The following FARP1 variants were observed in gnomAD, a reference collection of about 807,000 sequenced individuals.
The protein encoded by FARP1 is FERM, ARH/RhoGEF and pleckstrin domain protein 1, also known as FERM, ARHGEF and pleckstrin domain-containing protein 1.
FARP1 carries 52 observed loss-of-function variants against 128.8 expected under a neutral mutation model. The ratio of observed to expected loss-of-function variants is 0.40; its 90% CI spans 0.32 to 0.51. FARP1 has a LOEUF of 0.51. Ranked by LOEUF, FARP1 falls within the 20% of genes least tolerant of loss-of-function variation. The pLI is 0.45. For synonymous variants in FARP1, 580 were observed against 551.8 expected, an observed-to-expected ratio of 1.05 and a Z score of -0.72; for missense variants, 1,333 against 1,367.9, an observed-to-expected ratio of 0.97 and a Z score of 0.40.
intron 1 of FARP1, among the ~76,000 whole-genome samples, chr13:98,179,782 G>T (rs367596909): frequency 6.6e-6 from 1 of 152,158 alleles, no homozygotes; most frequent in East Asian, 1.9e-4. Context: ...GCGTGAACCC[G>T]GGAGGCAGAG....
chr13:98,211,185 T>A (rs901323378), intron 1 of FARP1, among the ~76,000 whole-genome samples: 3 of 152,128 alleles, frequency 2.0e-5, no homozygotes, highest in African/African-American at 7.2e-5. Context: ...AAAGGAGGGG[T>A]CCCCAGATCC....
chr13:98,204,125 C>T (rs903792179), intron 1 of FARP1: 1 of 152,256 alleles, frequency 6.6e-6, no homozygotes, highest in Non-Finnish European at 1.5e-5. Context: ...CTGGCAATCA[C>T]CCCTAGCCCA....
chr13:98,376,788 C>G (rs1202305804), intron 5 of FARP1, among the ~76,000 whole-genome samples: 4 of 134,990 alleles, frequency 3.0e-5, no homozygotes, highest in African/African-American at 1.1e-4. Context: ...TTGCCACATC[C>G]AAGCATTTGT....
chr13:98,196,195 T>C (rs1879560329), intron 1 of FARP1, among the ~76,000 whole-genome samples: 1 of 152,164 alleles, frequency 6.6e-6, no homozygotes, highest in Non-Finnish European at 1.5e-5. Context: ...GACTTTGTGA[T>C]TGCATCTAAA....
In FARP1 at chr13:98,440,132, C is replaced by G; in HGVS notation, c.2526C>G (p.Ser842=). ...QSIIVAASSR[S]EMEKWVEDIQ... is the part of the protein sequence containing the mutation. ...GCGTCTCTGTCTCCAGTTCTCGGTC[C>G]GAGATGGAGAAGTGGGTTGAGGACA... Residue 842 remains serine (S), a synonymous_variant, in exon 23 of 27, where the codon TCC becomes TCG. Coordinates refer to ENST00000319562, the MANE Select transcript of FARP1 (RefSeq NM_005766.4). 1.2e-6 allele frequency: 2 copies of G among 1,613,544 alleles called. No homozygotes were observed. Among genetic ancestry groups the G allele is most frequent in the South Asian group, 1.1e-5 (1 of 91,048 alleles).
At chr13:98,236,224 A>G (rs774025921) in intron 2 of FARP1, among the ~76,000 whole-genome samples, 1 of 152,198 alleles carries the variant, frequency 6.6e-6, no homozygotes, top group Non-Finnish European at 1.5e-5. Flanking sequence ...TCTTCTTCAA[A>G]AACCTTGATT....
intron 2 of FARP1, among the ~76,000 whole-genome samples, chr13:98,319,292 CT>C (rs1886884867): frequency 1.3e-5 from 2 of 150,234 alleles, no homozygotes; most frequent in Admixed American, 1.3e-4. Flanking sequence ...TAGTAAAATA[CT>C]TGGAAGGGAA....
intron 2 of FARP1, among the ~76,000 whole-genome samples, chr13:98,247,489 G>C (rs1204112726): frequency 6.6e-6 from 1 of 152,094 alleles, no homozygotes; most frequent in South Asian, 2.1e-4. Context: ...ATCCATCCCC[G>C]CAGCCCTGCT....
intron 8 of FARP1, among the ~76,000 whole-genome samples, chr13:98,386,796 CCTTAT>C (rs1159536769): frequency 6.6e-6 from 1 of 152,156 alleles, no homozygotes; most frequent in African/African-American, 2.4e-5. Flanking sequence ...TATATTTCCC[CCTTAT>C]CTTTTATCAA....
chr13:98,411,567 T>A (rs1165089406), intron 15 of FARP1, among the ~76,000 whole-genome samples: 1 of 152,192 alleles, frequency 6.6e-6, no homozygotes, highest in Non-Finnish European at 1.5e-5. Context: ...GAATATTCAG[T>A]GGTCATAAAT....
chr13:98,248,856 G>A (rs1414293788), intron 2 of FARP1, among the ~76,000 whole-genome samples: 2 of 152,012 alleles, frequency 1.3e-5, no homozygotes, highest in African/African-American at 4.8e-5. Flanking sequence ...GCTCTGAAGT[G>A]TAGTGCTAGA....
At chr13:98,294,562 G>A (rs901778469) in intron 2 of FARP1, among the ~76,000 whole-genome samples, 1 of 152,070 alleles carries the variant, frequency 6.6e-6, no homozygotes, top group African/African-American at 2.4e-5. Flanking sequence ...GTCATTATAG[G>A]GAAAGATAAA....
At chr13:98,353,875 T>C (rs1888539976) in intron 3 of FARP1, among the ~76,000 whole-genome samples, 1 of 152,208 alleles carries the variant, frequency 6.6e-6, no homozygotes, top group South Asian at 2.1e-4. Context: ...ACCACAATTT[T>C]TAAGAGTTCA....
intron 1 of FARP1, among the ~76,000 whole-genome samples, chr13:98,168,068 A>T (rs186563233): frequency 6.6e-6 from 1 of 152,116 alleles, no homozygotes; most frequent in African/African-American, 2.4e-5. Context: ...GCTACTTGGG[A>T]GGCTGAGGTG....
Position 98,316,814 on chromosome 13 carries a change from G to A in FARP1, c.172-26948G>A, listed in dbSNP as rs140315103. ...TGGAACCAGAGATAACACCAGGCCT[G>A]ACATTTGAGGGTGTGTGTAGGTAGG... On this transcript the variant is annotated intron_variant, in intron 2 of 26. Transcript: ENST00000319562. Among the ~76,000 whole-genome samples, 987 of 152,304 alleles carry A rather than the reference G, an allele frequency of 6.5e-3. 7 individuals are homozygous for A. The highest frequency in any genetic ancestry group is 9.9e-3 in the Non-Finnish European group (673 of 68,034).
Position 98,390,640 on chromosome 13 carries a change from G to C in FARP1, c.1020-172G>C, listed in dbSNP as rs1890271332. On this transcript the variant is annotated intron_variant, in intron 10 of 26. Coordinates refer to ENST00000319562, the MANE Select transcript of FARP1 (RefSeq NM_005766.4). ...AAGGAAAATATCAAGAGACTGAGTG[G>C]ACCCAAAAATACAGAGTCTGTCAGG... 1.4e-5 allele frequency: 8 copies of C among 557,766 alleles called. No individual in the cohort carries two copies. The South Asian group carries it at 1.9e-4, about 13-fold the overall frequency. 34.6% of individuals were successfully genotyped at this position (557,766 alleles called of 1,614,324 possible).
At chr13:98,319,862 T>C (rs1886913930) in intron 2 of FARP1, among the ~76,000 whole-genome samples, 1 of 152,206 alleles carries the variant, frequency 6.6e-6, no homozygotes, top group Non-Finnish European at 1.5e-5. Context: ...AACAGACTTT[T>C]TTTTTTCTTG....
chr13:98,368,213 T>A lies in FARP1; in HGVS notation c.398+18T>A, dbSNP rs1223290656. ...CTCACAAGGTTAGTGGTTTGGAAAC[T>A]GTGTATTTTTTGCTACAGAGTACAG... On this transcript the variant is annotated intron_variant, in intron 5 of 26. Transcript: ENST00000319562. The A allele has an allele frequency of 6.3e-7, 1 of 1,593,184 alleles. No individual in the cohort carries two copies. Among genetic ancestry groups the A allele is most frequent in the Non-Finnish European group, 8.6e-7 (1 of 1,162,094 alleles).
intron 2 of FARP1, among the ~76,000 whole-genome samples, chr13:98,301,180 G>C (rs1885908067): frequency 6.6e-6 from 1 of 152,216 alleles, no homozygotes; most frequent in Non-Finnish European, 1.5e-5. Context: ...GTAATGCAGA[G>C]CTCATGCCAG....
Sources: gnomAD v4.1 joint callset for allele counts (sites outside exome capture counted in the v4.1 genomes callset) on GRCh38, gnomAD v4.1.1 for gene constraint, MANE v1.5 for transcripts, NCBI Gene and HGNC (gene_info 2026-07-23, HGNC 2026-07-21) for gene names.